The following MAPK8IP3 variants were observed in gnomAD, a reference collection of about 807,000 sequenced individuals.
MAPK8IP3 encodes the protein C-Jun-amino-terminal kinase-interacting protein 3.
A neutral mutation model predicts 157.8 loss-of-function variants in MAPK8IP3; 49 were observed. That is an observed-to-expected ratio of 0.31 (90% CI 0.25 to 0.39). The LOEUF (loss-of-function observed/expected upper bound fraction) is 0.39, where lower values mean the gene tolerates loss of function less well. Ranked by LOEUF, MAPK8IP3 falls within the 10% of genes least tolerant of loss-of-function variation. MAPK8IP3 has a pLI of 1.00. For synonymous variants in MAPK8IP3, 897 were observed against 777.7 expected (o/e 1.15, Z -2.55); for missense variants, 1,478 against 1,889.4 (o/e 0.78, Z 4.04).
rs34273898 is a variant in MAPK8IP3 at position 1,762,914 on chromosome 16, G to A, written c.1806G>A (p.Lys602=). ...RPYPSVNIHY[K]SPTTAGFSQR... is the part of the protein sequence containing the mutation. ...ATCCCTCGGTGAACATCCACTACAA[G>A]TCACCCACCACTGCCGGCTTCAGCC... Residue 602 remains lysine (K), a synonymous_variant, in exon 16 of 32, where the codon AAG becomes AAA. Transcript: ENST00000610761. 6.2e-7 allele frequency: 1 copy of A among 1,612,992 alleles called. No individual in the cohort carries two copies. Among genetic ancestry groups the A allele is most frequent in the South Asian group, 1.1e-5 (1 of 91,082 alleles).
chr16:1,711,514 C>T (rs1394486620), intron 1 of MAPK8IP3, among the ~76,000 whole-genome samples: 2 of 152,138 alleles, frequency 1.3e-5, no homozygotes, highest in Admixed American at 6.5e-5. Flanking sequence ...TGGATGGGCC[C>T]CTTTCCCAGG....
At chr16:1,749,388 C>A (rs1785505195) in intron 8 of MAPK8IP3, among the ~76,000 whole-genome samples, 2 of 152,218 alleles carry the variant, frequency 1.3e-5, no homozygotes, top group Non-Finnish European at 2.9e-5. Flanking sequence ...TGCTCTGTGC[C>A]CATTAGCCTC....
At chr16:1,728,037 C>T (rs1161404655) in intron 2 of MAPK8IP3, among the ~76,000 whole-genome samples, 3 of 152,260 alleles carry the variant, frequency 2.0e-5, no homozygotes, top group Non-Finnish European at 4.4e-5. Flanking sequence ...TGGCGTCAGC[C>T]CTCCCCATTG....
intron 8 of MAPK8IP3, among the ~76,000 whole-genome samples, 186 bp from the exon 9 acceptor site, chr16:1,757,962 T>C (rs1174159175): frequency 1.3e-5 from 2 of 152,250 alleles, no homozygotes; most frequent in Admixed American, 6.5e-5. Context: ...CCTGCAGGCC[T>C]CTGCCTGGGC....
In MAPK8IP3 at chr16:1,724,549, A is replaced by T; in HGVS notation, c.319-8A>T. ...GATGACTGCTCTTTCCCTCCCTTCC[A>T]TGCACAGAAATTCATTGAGTTTGAA... On this transcript the variant is annotated splice_polypyrimidine_tract_variant and splice_region_variant and intron_variant, in intron 1 of 31. Coordinates refer to ENST00000610761, the MANE Select transcript of MAPK8IP3 (RefSeq NM_001318852.2). This position sits in a 1 kb window ranked among gnomAD's most constrained non-coding sequence, Gnocchi z 4.1. 6.2e-7 allele frequency: 1 copy of T among 1,612,776 alleles called. No individual in the cohort carries two copies. The highest frequency in any genetic ancestry group is 8.5e-7 in the Non-Finnish European group (1 of 1,179,788).
chr16:1,719,213 C>T lies in MAPK8IP3; in HGVS notation c.319-5344C>T, dbSNP rs538875079. Among the ~76,000 whole-genome samples, 15 of 152,256 alleles carry T rather than the reference C, an allele frequency of 9.9e-5. No individual in the cohort carries two copies. The South Asian group carries it at 3.1e-3, about 32-fold the overall frequency. On this transcript the variant is annotated intron_variant, in intron 1 of 31. Transcript: ENST00000610761. ...CGAACTCTTGGCCTCAAGTGACACT[C>T]CTGCCTCAGCAACCCAAAGTGCTGG...
intron 5 of MAPK8IP3, chr16:1,744,205 T>C (rs2040838161): frequency 1.0e-6 from 1 of 985,458 alleles, no homozygotes; most frequent in Non-Finnish European, 1.2e-6. Flanking sequence ...GACAGCCACC[T>C]TCCTGGGAAG....
rs747204770 is a variant in MAPK8IP3 at position 1,748,240 on chromosome 16, C to G, written c.995-4C>G. 6.2e-7 allele frequency: 1 copy of G among 1,611,414 alleles called. No individual in the cohort carries two copies. Among genetic ancestry groups the G allele is most frequent in the Non-Finnish European group, 8.5e-7 (1 of 1,177,714 alleles). ...ACCCCAGGTGCCCCTGTGCTCTCCC[C>G]TAGGCATGGGCAGCAGTGACGAGTG... is the stretch of plus-strand genomic sequence containing the variant. On this transcript the variant is annotated splice_region_variant and splice_polypyrimidine_tract_variant and intron_variant, in intron 6 of 31. Coordinates refer to ENST00000610761, the MANE Select transcript of MAPK8IP3 (RefSeq NM_001318852.2).
At chr16:1,720,557 T>TAC (rs983134480) in intron 1 of MAPK8IP3, among the ~76,000 whole-genome samples, 4 of 152,170 alleles carry the variant, frequency 2.6e-5, no homozygotes, top group East Asian at 1.9e-4. Flanking sequence ...ACATCTGCTC[T>TAC]ACACACACAC....
intron 6 of MAPK8IP3, among the ~76,000 whole-genome samples, 155 bp downstream of exon 6, chr16:1,747,430 A>C (rs562678409): frequency 1.2e-3 from 177 of 152,272 alleles, no homozygotes; most frequent in South Asian, 2.5e-3. Context: ...AGGCGCTGGC[A>C]GGGTAGGTTC....
rs572218593 is a variant in MAPK8IP3 at position 1,770,312 on chromosome 16, G to A, written c.*1488G>A. ...CTCTGTATGTAATAAATGTCTTAAC[G>A]TCGTAGCTGCCTGTTCCTGGGCCCA... On this transcript the variant is annotated 3_prime_UTR_variant, in exon 32 of 32. Transcript: ENST00000610761. 1.0e-4 allele frequency: 28 copies of A among 279,176 alleles called. No homozygotes were observed. Among genetic ancestry groups the A allele is most frequent in the Non-Finnish European group, 1.6e-4 (24 of 148,782 alleles). The allele number at this position is 279,176 out of a possible 1,614,324, so 17.3% of individuals were successfully genotyped here.
Position 1,729,126 on chromosome 16 carries a change from T to A in MAPK8IP3, c.440-12T>A. ...CGTCTTGTGCGGCTCAGACAGTGATTGTGTTTTCCAGTTTCCCGGTTGGAG... is the reference window on the plus strand; with the variant it reads ...CGTCTTGTGCGGCTCAGACAGTGATAGTGTTTTCCAGTTTCCCGGTTGGAG... On this transcript the variant is annotated splice_polypyrimidine_tract_variant and intron_variant, in intron 2 of 31. Transcript: ENST00000610761. The A allele has an allele frequency of 6.2e-7, 1 of 1,613,410 alleles. No homozygotes were observed. The highest frequency in any genetic ancestry group is 8.5e-7 in the Non-Finnish European group (1 of 1,179,350).
rs564977333 is a variant in MAPK8IP3 at position 1,766,261 on chromosome 16, C to G, written c.2671C>G (p.Gln891Glu). ...TIANGKVNPS[Q>E]STEEATEATE... ...CGCCAACGGGAAGGTCAACCCGTCCCAGTCCACAGAGGAGGCCACAGAGGC... is the reference window on the plus strand; with the variant it reads ...CGCCAACGGGAAGGTCAACCCGTCCGAGTCCACAGAGGAGGCCACAGAGGC... Residue 891 changes from glutamine to glutamate, a missense_variant, in exon 22 of 32, where the codon CAG (glutamine) becomes GAG (glutamate). By Grantham distance (29) the Gln-to-Glu change is conservative (BLOSUM62 2). Transcript: ENST00000610761. 6 of 1,612,344 alleles carry G rather than the reference C, an allele frequency of 3.7e-6. No individual in the cohort carries two copies. The South Asian group carries it at 6.6e-5, about 18-fold the overall frequency.
Position 1,761,265 on chromosome 16 carries a change from A to G in MAPK8IP3, c.1499A>G (p.Glu500Gly), listed in dbSNP as rs747328726. The G allele has an allele frequency of 9.3e-6, 15 of 1,613,792 alleles. No homozygotes were observed. Among genetic ancestry groups the G allele is most frequent in the Admixed American group, 1.7e-5 (1 of 60,028 alleles). ...ATCATCGCCCGCCGTGAACCCAAAG[A>G]AGAGGCGGAGGATGTAAGCAGCTAT... ...EAIIARREPK[E>G]EAEDVSSYLC... Residue 500 changes from glutamate to glycine, a missense_variant, in exon 13 of 32, where the codon GAA (glutamate) becomes GGA (glycine). By Grantham distance (98) the Glu-to-Gly change is moderately conservative (BLOSUM62 -2). Around this residue, in one of 11 missense-constraint regions of MAPK8IP3, gnomAD observed 96 missense variants for 106.3 expected, o/e 0.90. Transcript: ENST00000610761.
rs538890504 is a variant in MAPK8IP3, at chr16:1,729,569, C to A, written c.593C>A (p.Pro198Gln). The stretch of plus-strand genomic sequence containing the variant: ...AACAGCCAGACCGAGAGCAGCCTGC[C>A]GGGGCGGAGGTACGCGGGGCGCGGC... ...GGNSQTESSL[P>Q]GRSRKERPTS... The change falls in exon 4 of 32, where the codon CCG becomes CAG. Residue 198 changes from proline (P) to glutamine (Q), a missense_variant. Pro to Gln is a moderately conservative substitution (Grantham distance 76). Transcript: ENST00000610761. 6.3e-7 allele frequency: 1 copy of A among 1,599,396 alleles called. No homozygotes were observed. The highest frequency in any genetic ancestry group is 8.5e-7 in the Non-Finnish European group (1 of 1,171,132).
chr16:1,752,674 G>T, intron 8 of MAPK8IP3: 1 of 206,774 alleles, frequency 4.8e-6, no homozygotes, highest in Non-Finnish European at 1.0e-5. Flanking sequence ...ACTTCAGCCT[G>T]GGAGTTTGAG....
At position 1,766,272 on chromosome 16, in the gene MAPK8IP3, G is replaced by A; in HGVS notation, c.2682G>A (p.Glu894=). The change falls in exon 22 of 32, where the codon GAG becomes GAA. Residue 894 remains glutamate, a synonymous_variant. Transcript: ENST00000610761. ...NGKVNPSQST[E]EATEATEVPD... ...AGGTCAACCCGTCCCAGTCCACAGA[G>A]GAGGCCACAGAGGCCACGGAGGTGC... 1 of 1,612,622 alleles carries A rather than the reference G, an allele frequency of 6.2e-7. No individual in the cohort carries two copies.
At chr16:1,732,651 AACT>A (rs1438697612) in intron 4 of MAPK8IP3, among the ~76,000 whole-genome samples, 40 of 152,258 alleles carry the variant, frequency 2.6e-4, no homozygotes, top group Admixed American at 2.6e-4. Flanking sequence ...GCACCATGAG[AACT>A]ACGCCAGGGC....
At position 1,724,807 on chromosome 16, in the gene MAPK8IP3, T is replaced by C; in HGVS notation, c.439+130T>C. On this transcript the variant is annotated intron_variant, in intron 2 of 31. Transcript: ENST00000610761. This position sits in a 1 kb window ranked among gnomAD's most constrained non-coding sequence, Gnocchi z 4.1. The stretch of plus-strand genomic sequence containing the variant: ...AAGCCCAGTGGGAGCCTCAGCCATG[T>C]ATTCCAGCTCTTTGTACTGCTGCCT... 1 of 1,240,402 alleles carries C rather than the reference T, an allele frequency of 8.1e-7. No homozygotes were observed. The highest frequency in any genetic ancestry group is 1.1e-6 in the Non-Finnish European group (1 of 906,694). The allele number at this position is 1,240,402 out of a possible 1,614,324, so 76.8% of individuals were successfully genotyped here. A position where few individuals can be genotyped will look rare whatever the true frequency, so the allele number is the denominator to read the frequency against.
Sources: gnomAD v4.1 joint callset for allele counts (sites outside exome capture counted in the v4.1 genomes callset) on GRCh38, gnomAD v4.1.1 for gene constraint, gnomAD v4.1.1 regional missense constraint, Gnocchi (gnomAD v3.1) non-coding constraint, MANE v1.5 for transcripts, NCBI Gene and HGNC (gene_info 2026-07-23, HGNC 2026-07-21) for gene names.